The following ASAP2 variants were observed in gnomAD, a reference collection of about 807,000 sequenced individuals.
The protein encoded by ASAP2 is arf-GAP with SH3 domain, ANK repeat and PH domain-containing protein 2.
Under a neutral mutation model 131.4 loss-of-function variants are expected in ASAP2, and 45 were observed. The ratio of observed to expected loss-of-function variants is 0.34; its 90% CI spans 0.27 to 0.44. The LOEUF (loss-of-function observed/expected upper bound fraction) is 0.44, where lower values mean the gene tolerates loss of function less well. ASAP2 is among the 20% of genes least tolerant of loss of function. ASAP2 has a pLI of 1.00. For missense variants in ASAP2, 1,011 were observed against 1,297.0 expected, an observed-to-expected ratio of 0.78 and a Z score of 3.39; for synonymous variants, 510 against 503.0, an observed-to-expected ratio of 1.01 and a Z score of -0.19.
chr2:9,224,380 T>A (rs1408470469), intron 1 of ASAP2, among the ~76,000 whole-genome samples: 1 of 152,190 alleles, frequency 6.6e-6, no homozygotes, highest in African/African-American at 2.4e-5. Context: ...TCTCTTTGAA[T>A]CCCAACATGA....
intron 22 of ASAP2, 134 bp downstream of exon 22, chr2:9,388,680 C>A: frequency 1.5e-6 from 2 of 1,300,370 alleles, no homozygotes; most frequent in Non-Finnish European, 2.0e-6. Flanking sequence ...TGTTTGCTTC[C>A]TAAAGGGATT....
intron 1 of ASAP2, among the ~76,000 whole-genome samples, chr2:9,256,846 C>A (rs771502049): frequency 6.6e-6 from 1 of 152,176 alleles, no homozygotes; most frequent in African/African-American, 2.4e-5. Context: ...AAGCACTGAC[C>A]GAGAGTCAGT....
At chr2:9,365,101 A>G (rs562250185) in intron 15 of ASAP2, among the ~76,000 whole-genome samples, 105 of 152,356 alleles carry the variant, frequency 6.9e-4, no homozygotes, top group Non-Finnish European at 1.4e-3. Context: ...TAAGAAATAC[A>G]TACTTTGTAA....
At chr2:9,225,151 A>G (rs985537135) in intron 1 of ASAP2, among the ~76,000 whole-genome samples, 3 of 152,350 alleles carry the variant, frequency 2.0e-5, no homozygotes, top group South Asian at 2.1e-4. Context: ...ATCCCAGAAG[A>G]AGATGCAACA....
intron 25 of ASAP2, among the ~76,000 whole-genome samples, chr2:9,400,274 T>TGCCC (rs1275630534): frequency 8.1e-4 from 35 of 43,234 alleles, no homozygotes; most frequent in African/African-American, 3.0e-3. Flanking sequence ...CTTCCTCTCC[T>TGCCC]TCCTTCCCTC....
chr2:9,384,407 G>C (rs978406103), intron 20 of ASAP2, among the ~76,000 whole-genome samples: 3 of 152,166 alleles, frequency 2.0e-5, no homozygotes, highest in Admixed American at 6.5e-5. Flanking sequence ...CCAGCTGGCT[G>C]TCCTCCAGTT....
chr2:9,336,786 A>C (rs1245998835), intron 9 of ASAP2, among the ~76,000 whole-genome samples: 2 of 152,226 alleles, frequency 1.3e-5, no homozygotes, highest in African/African-American at 4.8e-5. Context: ...GGTAACGAGG[A>C]GGAGGTAGTG....
chr2:9,207,321 C>T lies in ASAP2; in HGVS notation c.126+91C>T. ...CGCATCCGCATCCCGAGAAAACTTT[C>T]TTTGCTCCGAAGCCGGACGCGGCCG... is the stretch of plus-strand genomic sequence containing the variant. On this transcript the variant is annotated intron_variant, in intron 1 of 27. Coordinates refer to ENST00000281419, the MANE Select transcript of ASAP2 (RefSeq NM_003887.3). The surrounding 1 kb of genome is among the most constrained non-coding windows in gnomAD (Gnocchi z 4.1). 18 of 1,419,444 alleles carry T rather than the reference C, an allele frequency of 1.3e-5. No homozygotes were observed. The highest frequency in any genetic ancestry group is 1.7e-5 in the Non-Finnish European group (18 of 1,085,170). The allele number at this position is 1,419,444 out of a possible 1,614,324, so 87.9% of individuals were successfully genotyped here.
intron 1 of ASAP2, among the ~76,000 whole-genome samples, chr2:9,276,180 A>G (rs1666747047): frequency 6.6e-6 from 1 of 152,238 alleles, no homozygotes; most frequent in South Asian, 2.1e-4. Context: ...AGGTGCTCAC[A>G]CCATTTTATC....
At chr2:9,249,069 T>C (rs1227015743) in intron 1 of ASAP2, among the ~76,000 whole-genome samples, 2 of 152,232 alleles carry the variant, frequency 1.3e-5, no homozygotes, top group African/African-American at 2.4e-5. Flanking sequence ...ATTGCATGTT[T>C]TGTGGCTGGG....
intron 3 of ASAP2, among the ~76,000 whole-genome samples, chr2:9,317,510 C>T (rs1669824156): frequency 6.6e-6 from 1 of 150,732 alleles, no homozygotes. Context: ...CTTACACCCC[C>T]ACAATCACAC....
In ASAP2 at chr2:9,268,183, G is replaced by A. The variant is rs1011872633; in HGVS notation, c.127-11134G>A. Among the ~76,000 whole-genome samples, 21 of 152,040 alleles carry A rather than the reference G, an allele frequency of 1.4e-4. No homozygotes were observed. The highest frequency in any genetic ancestry group is 3.2e-3 in the Middle Eastern group (1 of 316). On this transcript the variant is annotated intron_variant, in intron 1 of 27. Transcript: ENST00000281419. This position sits in a 1 kb window ranked among gnomAD's most constrained non-coding sequence, Gnocchi z 4.1. Reference sequence around the variant, plus strand: ...TTGTGGGGTAAGTTTGTTCTCTTCCGTTGCTGTGTAGCATTCTGTTGTACG... The same window carrying A: ...TTGTGGGGTAAGTTTGTTCTCTTCCATTGCTGTGTAGCATTCTGTTGTACG...
intron 15 of ASAP2, among the ~76,000 whole-genome samples, chr2:9,359,966 C>G (rs992145558): frequency 2.0e-5 from 3 of 152,156 alleles, no homozygotes; most frequent in African/African-American, 7.2e-5. Flanking sequence ...ACAGTGCCTT[C>G]CTGGTTACAT....
intron 7 of ASAP2, among the ~76,000 whole-genome samples, chr2:9,331,943 C>T (rs529892943): frequency 1.3e-5 from 2 of 151,986 alleles, no homozygotes; most frequent in East Asian, 3.9e-4. Flanking sequence ...GAGGGAGGGG[C>T]GGGTGTCACA....
intron 1 of ASAP2, among the ~76,000 whole-genome samples, chr2:9,234,834 A>G (rs1032084626): frequency 2.6e-5 from 4 of 152,018 alleles, no homozygotes; most frequent in Non-Finnish European, 4.4e-5. Context: ...GGCTTTGCAT[A>G]TTGTCTCTTT....
chr2:9,306,366 G>T (rs1349643641), intron 3 of ASAP2, among the ~76,000 whole-genome samples: 1 of 151,796 alleles, frequency 6.6e-6, no homozygotes, highest in Non-Finnish European at 1.5e-5. Context: ...AAGAGCAGCC[G>T]TGTCGGCTTG....
At chr2:9,332,719 T>C (rs1056227092) in intron 7 of ASAP2, among the ~76,000 whole-genome samples, 1 of 152,220 alleles carries the variant, frequency 6.6e-6, no homozygotes, top group African/African-American at 2.4e-5. Flanking sequence ...GTAATATTTT[T>C]CCTACTCCTT....
chr2:9,354,645 CAAAA>C (rs566781964), intron 12 of ASAP2, among the ~76,000 whole-genome samples: 1 of 74,002 alleles, frequency 1.4e-5, no homozygotes, highest in Non-Finnish European at 3.2e-5. Context: ...GACTCCGTCT[CAAAA>C]AAAAAAAAAA....
At chr2:9,327,532 C>G (rs1316947364) in intron 6 of ASAP2, among the ~76,000 whole-genome samples, 2 of 152,098 alleles carry the variant, frequency 1.3e-5, no homozygotes, top group African/African-American at 4.8e-5. Context: ...TTGAACCATC[C>G]ATAGTCTTCC....
Sources: allele counts gnomAD v4.1 joint callset (sites outside exome capture counted in the v4.1 genomes callset), GRCh38; gene constraint gnomAD v4.1.1; non-coding constraint Gnocchi (gnomAD v3.1); transcripts MANE v1.5; gene names NCBI Gene and HGNC (gene_info 2026-07-23, HGNC 2026-07-21).